DAB1: variants seen among roughly 807,000 people sequenced by gnomAD.
The protein encoded by DAB1 is DAB adaptor protein 1, also known as disabled homolog 1.
A neutral mutation model predicts 64.6 loss-of-function variants in DAB1; 15 were observed. That is an observed-to-expected ratio of 0.23 (90% CI 0.16 to 0.36). The LOEUF (loss-of-function observed/expected upper bound fraction) is 0.36. Among genes scored for constraint, DAB1 ranks in the 10% least tolerant of loss-of-function variants. The pLI is 1.00. For missense variants in DAB1, 596 were observed against 706.7 expected, an observed-to-expected ratio of 0.84 and a Z score of 1.78; for synonymous variants, 235 against 251.9, an observed-to-expected ratio of 0.93 and a Z score of 0.64.
At chr1:57,822,683 C>A (rs1425946435), downstream of DAB1, among the ~76,000 whole-genome samples, 1 of 152,066 alleles carries the variant, frequency 6.6e-6, no homozygotes, top group East Asian at 1.9e-4. Context: ...TAGATCAGCA[C>A]CACCCAATAG....
chr1:57,339,272 C>T (rs373550894), intron 1 of DAB1, among the ~76,000 whole-genome samples: 77 of 152,086 alleles, frequency 5.1e-4, no homozygotes, highest in African/African-American at 1.9e-3. Flanking sequence ...TCTCCTGCCT[C>T]GGCCTCCCGA....
intron 1 of DAB1, among the ~76,000 whole-genome samples, chr1:57,344,764 C>T (rs1418791241): frequency 6.6e-6 from 1 of 152,118 alleles, no homozygotes; most frequent in Admixed American, 6.5e-5. Flanking sequence ...GGCACACAGA[C>T]GTGGGCTTGA....
chr1:58,031,199 C>G (rs1265840433), intron 5 of DAB1, among the ~76,000 whole-genome samples: 1 of 152,128 alleles, frequency 6.6e-6, no homozygotes, highest in Non-Finnish European at 1.5e-5. Flanking sequence ...CAAAAAAATG[C>G]TTCAATTTGG....
At chr1:57,751,040 T>G (rs1342846073) in intron 6 of DAB1, among the ~76,000 whole-genome samples, 1 of 152,044 alleles carries the variant, frequency 6.6e-6, no homozygotes, top group Non-Finnish European at 1.5e-5. Context: ...CCACCAAAGG[T>G]GGCCAATTGA....
intron 1 of DAB1, among the ~76,000 whole-genome samples, chr1:57,381,770 T>C (rs1013770849): frequency 6.6e-5 from 10 of 152,214 alleles, no homozygotes; most frequent in African/African-American, 2.4e-4. Flanking sequence ...TTATAGGTTC[T>C]CTGCCCACAT....
chr1:57,816,767 C>T (rs61768457), intron 6 of DAB1, among the ~76,000 whole-genome samples: 2,693 of 152,310 alleles, frequency 0.018, 47 homozygotes, highest in Non-Finnish European at 0.027. Context: ...ATCACTCCTA[C>T]GTCTGGCCTA....
At chr1:57,245,512 A>T (rs546648817) in intron 2 of DAB1, among the ~76,000 whole-genome samples, 1 of 151,932 alleles carries the variant, frequency 6.6e-6, no homozygotes, top group African/African-American at 2.4e-5. Flanking sequence ...ATTCCCACCT[A>T]TGAGTGAGAA....
chr1:57,756,116 G>A (rs926601571), intron 6 of DAB1, among the ~76,000 whole-genome samples: 9 of 152,132 alleles, frequency 5.9e-5, no homozygotes, highest in African/African-American at 1.9e-4. Flanking sequence ...ATGCTCACCC[G>A]AAAACTGGGT....
At chr1:57,536,478 T>G (rs1039972052) in intron 7 of DAB1, among the ~76,000 whole-genome samples, 2 of 152,210 alleles carry the variant, frequency 1.3e-5, no homozygotes, top group African/African-American at 4.8e-5. Context: ...AGATTCTTAA[T>G]GTCAGCAAAG....
At chr1:57,917,540 C>G (rs961409826) in intron 5 of DAB1, among the ~76,000 whole-genome samples, 1 of 152,186 alleles carries the variant, frequency 6.6e-6, no homozygotes, top group African/African-American at 2.4e-5. Flanking sequence ...AATATTTCTT[C>G]TGCCTTTACT....
At chr1:57,583,105 C>T (rs1489998333) in intron 7 of DAB1, among the ~76,000 whole-genome samples, 1 of 152,126 alleles carries the variant, frequency 6.6e-6, no homozygotes, top group African/African-American at 2.4e-5. Context: ...TTAGCAGAAG[C>T]TGGAACTGCC....
chr1:57,254,143 T>C (rs1428585649), intron 2 of DAB1, among the ~76,000 whole-genome samples: 1 of 152,210 alleles, frequency 6.6e-6, no homozygotes, highest in Non-Finnish European at 1.5e-5. Flanking sequence ...AGTGAATGAA[T>C]AATGAAATTG....
chr1:58,454,397 G>A (rs987862452), intron 3 of DAB1, among the ~76,000 whole-genome samples: 1 of 152,188 alleles, frequency 6.6e-6, no homozygotes, highest in Non-Finnish European at 1.5e-5. Flanking sequence ...GCAAGAGAAG[G>A]CCCTGGGTGG....
At chr1:58,352,689 A>C (rs553137537) in intron 3 of DAB1, among the ~76,000 whole-genome samples, 1 of 152,240 alleles carries the variant, frequency 6.6e-6, no homozygotes, top group African/African-American at 2.4e-5. Context: ...CTATGGCCTG[A>C]ATGTTTGTGC....
At chr1:57,344,786 A>C (rs576585579) in intron 1 of DAB1, among the ~76,000 whole-genome samples, 1 of 152,266 alleles carries the variant, frequency 6.6e-6, no homozygotes, top group East Asian at 1.9e-4. Context: ...TCCCAGCTGC[A>C]AGCTGCATGG....
chr1:57,930,297 G>A (rs911260335), intron 5 of DAB1, among the ~76,000 whole-genome samples: 6 of 152,172 alleles, frequency 3.9e-5, no homozygotes, highest in African/African-American at 1.4e-4. Context: ...ATTATAGTAA[G>A]ACTGGAAGTT....
chr1:57,806,476 C>T (rs1336111953), intron 6 of DAB1, among the ~76,000 whole-genome samples: 2 of 152,154 alleles, frequency 1.3e-5, no homozygotes, highest in African/African-American at 4.8e-5. Context: ...TGTCTTCAAA[C>T]CAAGGCAACG....
chr1:57,432,146 A>G (rs991734962), intron 7 of DAB1, among the ~76,000 whole-genome samples: 2 of 152,034 alleles, frequency 1.3e-5, no homozygotes, highest in South Asian at 2.1e-4. Flanking sequence ...TGAATTTCCA[A>G]TGCTTACAGA....
At chr1:57,481,679 T>C (rs974280491) in intron 7 of DAB1, among the ~76,000 whole-genome samples, 1 of 152,006 alleles carries the variant, frequency 6.6e-6, no homozygotes, top group African/African-American at 2.4e-5. Context: ...TAGCCAGGCA[T>C]GGTGGCAGGT....
Sources: allele counts gnomAD v4.1 joint callset (sites outside exome capture counted in the v4.1 genomes callset), GRCh38; gene constraint gnomAD v4.1.1; transcripts MANE v1.5; gene names NCBI Gene and HGNC (gene_info 2026-07-23, HGNC 2026-07-21).